SLC26A7: variants seen among roughly 807,000 people sequenced by gnomAD.
SLC26A7 encodes the protein anion exchange transporter.
A neutral mutation model predicts 82.5 loss-of-function variants in SLC26A7; 59 were observed. The ratio of observed to expected loss-of-function variants is 0.72; its 90% CI spans 0.58 to 0.89. The LOEUF is 0.89. Among genes scored for constraint, SLC26A7 ranks in the 40% least tolerant of loss-of-function variants. The pLI, the probability that SLC26A7 is intolerant of heterozygous loss-of-function variation, is 0.00. For missense variants in SLC26A7, 820 were observed against 793.0 expected, an observed-to-expected ratio of 1.03 and a Z score of -0.41; for synonymous variants, 271 against 274.3, an observed-to-expected ratio of 0.99 and a Z score of 0.12.
intron 4 of SLC26A7, among the ~76,000 whole-genome samples, chr8:91,298,956 A>C (rs1035818618): frequency 2.6e-5 from 4 of 152,184 alleles, no homozygotes; most frequent in Non-Finnish European, 5.9e-5. Flanking sequence ...ATAGCAGTGT[A>C]TGAGAGTGCC....
rs1489050431 is a variant in SLC26A7 at position 91,397,738 on chromosome 8, A to C, written c.*2641A>C. The C allele has an allele frequency of 3.9e-5, 6 of 152,544 alleles. No homozygotes were observed. The highest frequency in any genetic ancestry group is 7.4e-5 in the Non-Finnish European group (5 of 67,958). The allele number at this position is 152,544 out of a possible 1,614,324, so 9.4% of individuals were successfully genotyped here. ...TTATTTGACAGATCTCTATTCTATA[A>C]ATGTGTAATGTGATGAAGAAAGAGA... On this transcript the variant is annotated 3_prime_UTR_variant, in exon 19 of 19. Transcript: ENST00000276609.
chr8:91,338,506 C>T (rs1445255498), intron 7 of SLC26A7, among the ~76,000 whole-genome samples: 1 of 152,114 alleles, frequency 6.6e-6, no homozygotes, highest in African/African-American at 2.4e-5. Context: ...AAATAGAGGG[C>T]ATTGACTTTG....
intron 11 of SLC26A7, among the ~76,000 whole-genome samples, chr8:91,360,834 G>C (rs995693049): frequency 2.0e-4 from 31 of 152,208 alleles, no homozygotes; most frequent in African/African-American, 6.7e-4. Flanking sequence ...AAATGAGTGA[G>C]ACTCAGAGTC....
At chr8:91,343,952 C>A in intron 9 of SLC26A7, 1 of 725,526 alleles carries the variant, frequency 1.4e-6, no homozygotes, top group Non-Finnish European at 1.7e-6. Context: ...GAACTCAAAT[C>A]AATTTGACAT....
intron 14 of SLC26A7, 36 bp downstream of exon 14, chr8:91,366,753 A>G (rs1443370626): frequency 2.5e-6 from 4 of 1,589,030 alleles, no homozygotes; most frequent in Non-Finnish European, 2.6e-6. Flanking sequence ...GTCATACTAC[A>G]TGTAGCCTTA....
At chr8:91,378,658 A>T (rs1444858303) in intron 15 of SLC26A7, among the ~76,000 whole-genome samples, 2 of 151,750 alleles carry the variant, frequency 1.3e-5, no homozygotes, top group African/African-American at 4.8e-5. Flanking sequence ...TCTCTCTCAG[A>T]TACCAGCTAG....
rs147941350 is a variant in SLC26A7, at chr8:91,318,359, C to G, written c.621C>G (p.Ser207=). The change falls in exon 5 of 19, where the codon TCC becomes TCG. Residue 207 remains serine (S), a synonymous_variant. Transcript: ENST00000276609. Reference sequence around the variant, plus strand: ...TGGGAATGAAAATGCCATATATATCCGGACCACTTGGATTCTTTTATGTGA... The same window carrying G: ...TGGGAATGAAAATGCCATATATATCGGGACCACTTGGATTCTTTTATGTGA... ...YLLGMKMPYI[S]GPLGFFYIYA... 4.4e-6 allele frequency: 7 copies of G among 1,606,552 alleles called. No homozygotes were observed. In the African/African-American group the frequency reaches 8.0e-5, roughly 18 times the overall value.
At position 91,396,454 on chromosome 8, in the gene SLC26A7, GC is replaced by G. The variant is rs1808575651; in HGVS notation, c.*1359del. 6.6e-6 allele frequency: 1 copy of G among 151,950 alleles called. No homozygotes were observed. The highest frequency in any genetic ancestry group is 6.6e-5 in the Admixed American group (1 of 15,242). 9.4% of individuals were successfully genotyped at this position (151,950 alleles called of 1,614,324 possible). ...GGCATCTATAAAAGTAAATTCTAGT[GC>G]CTGCCAAGTGATGGATTATAATGGT... On this transcript the variant is annotated 3_prime_UTR_variant, in exon 19 of 19. Coordinates refer to ENST00000276609, the MANE Select transcript of SLC26A7 (RefSeq NM_052832.4).
chr8:91,378,900 CATGAA>C (rs1235707393), intron 15 of SLC26A7, among the ~76,000 whole-genome samples: 2 of 152,002 alleles, frequency 1.3e-5, no homozygotes, highest in Non-Finnish European at 2.9e-5. Flanking sequence ...ATCATTCACA[CATGAA>C]ATAATTGTTT....
intron 4 of SLC26A7, among the ~76,000 whole-genome samples, chr8:91,306,419 G>A (rs777012105): frequency 3.3e-5 from 5 of 152,042 alleles, no homozygotes; most frequent in African/African-American, 4.8e-5. Context: ...TGCAGGATTC[G>A]GGAACTCTTC....
chr8:91,230,796 G>C (rs998508995), intron 2 of SLC26A7, among the ~76,000 whole-genome samples: 1 of 152,206 alleles, frequency 6.6e-6, no homozygotes, highest in Non-Finnish European at 1.5e-5. Context: ...ACAGGGAATG[G>C]CTAAAAGTGA....
chr8:91,389,301 A>AAAT (rs1814887112), intron 15 of SLC26A7, 37 bp from the exon 16 acceptor site: 1 of 1,525,596 alleles, frequency 6.6e-7, no homozygotes, highest in Admixed American at 1.7e-5. Context: ...AAGTCTCTTA[A>AAAT]AACTCTCCCT....
chr8:91,340,200 C>T (rs1245681708), intron 7 of SLC26A7, among the ~76,000 whole-genome samples: 1 of 152,154 alleles, frequency 6.6e-6, no homozygotes, highest in Admixed American at 6.6e-5. Context: ...GGAGCTGTCC[C>T]TGTGGTGTTC....
At chr8:91,265,951 T>C (rs1811101204) in intron 2 of SLC26A7, among the ~76,000 whole-genome samples, 1 of 152,060 alleles carries the variant, frequency 6.6e-6, no homozygotes, top group Non-Finnish European at 1.5e-5. Flanking sequence ...TAGAATCCCA[T>C]TAATCTATTT....
At chr8:91,316,769 G>C (rs1247170912) in intron 4 of SLC26A7, among the ~76,000 whole-genome samples, 1 of 151,158 alleles carries the variant, frequency 6.6e-6, no homozygotes, top group Non-Finnish European at 1.5e-5. Context: ...CAGTTTCTGT[G>C]ACTGAGTTTA....
At chr8:91,211,616 A>ATTTT (rs34106795) in intron 1 of SLC26A7, among the ~76,000 whole-genome samples, 2 of 137,530 alleles carry the variant, frequency 1.5e-5, no homozygotes, top group East Asian at 4.1e-4. Context: ...ATATATATAT[A>ATTTT]TTTTTTTTTT....
chr8:91,255,394 T>C (rs965271862), intron 2 of SLC26A7, among the ~76,000 whole-genome samples: 1 of 152,300 alleles, frequency 6.6e-6, no homozygotes, highest in South Asian at 2.1e-4. Flanking sequence ...TGGAAATTCC[T>C]GAGGCATACT....
chr8:91,214,825 A>G (rs1222439921), intron 1 of SLC26A7, among the ~76,000 whole-genome samples: 1 of 150,148 alleles, frequency 6.7e-6, no homozygotes, highest in East Asian at 1.9e-4. Context: ...TTTTTTTTAC[A>G]GTCAAGTAGA....
chr8:91,386,125 T>C (rs1814793076), intron 15 of SLC26A7, among the ~76,000 whole-genome samples: 1 of 152,180 alleles, frequency 6.6e-6, no homozygotes, highest in Non-Finnish European at 1.5e-5. Flanking sequence ...ATAGGGATGA[T>C]TGAACTCATG....
Sources: allele counts gnomAD v4.1 joint callset (sites outside exome capture counted in the v4.1 genomes callset), GRCh38; gene constraint gnomAD v4.1.1; transcripts MANE v1.5; gene names NCBI Gene and HGNC (gene_info 2026-07-23, HGNC 2026-07-21).